The following FMN2 variants were observed in gnomAD, a reference collection of about 807,000 sequenced individuals.
FMN2 encodes the protein formin 2, also known as formin-2.
A neutral mutation model predicts 142.3 loss-of-function variants in FMN2; 51 were observed. The ratio of observed to expected loss-of-function variants is 0.36; its 90% CI spans 0.29 to 0.45. FMN2 has a LOEUF of 0.45. Among genes scored for constraint, FMN2 ranks in the 20% least tolerant of loss-of-function variants. The pLI is 1.00. For synonymous variants in FMN2, 882 were observed against 869.8 expected (o/e 1.01, Z -0.25); for missense variants, 1,936 against 2,122.8 (o/e 0.91, Z 1.73).
intron 7 of FMN2, among the ~76,000 whole-genome samples, chr1:240,285,439 C>T (rs1669553392): frequency 1.3e-5 from 2 of 151,824 alleles, no homozygotes; most frequent in Admixed American, 6.6e-5. Context: ...GGAAGGAGGT[C>T]GGAAGCTGGA....
At chr1:240,188,182 ACTGT>A (rs1284705075) in intron 3 of FMN2, 21 bp from the exon 4 acceptor site, 2 of 1,611,676 alleles carry the variant, frequency 1.2e-6, no homozygotes, top group Non-Finnish European at 1.7e-6. Flanking sequence ...TAAGATACTG[ACTGT>A]CTGCTTCCTT....
chr1:240,108,157 T>C (rs16839439), intron 1 of FMN2, among the ~76,000 whole-genome samples: 2,295 of 152,308 alleles, frequency 0.015, 31 homozygotes, highest in Admixed American at 0.039. Context: ...TTATTAGCCA[T>C]GGTCATCTTT....
intron 2 of FMN2, among the ~76,000 whole-genome samples, chr1:240,151,986 C>T (rs1474088834): frequency 1.3e-5 from 2 of 152,008 alleles, no homozygotes; most frequent in East Asian, 1.9e-4. Context: ...AGGCTGCTCT[C>T]GAACTCCTGG....
At chr1:240,127,035 A>G (rs1361533124) in intron 2 of FMN2, among the ~76,000 whole-genome samples, 1 of 151,924 alleles carries the variant, frequency 6.6e-6, no homozygotes, top group East Asian at 1.9e-4. Context: ...CATGACTCAG[A>G]GGAAGCTGGG....
At chr1:240,310,317 T>C (rs898005017) in intron 8 of FMN2, among the ~76,000 whole-genome samples, 1 of 152,224 alleles carries the variant, frequency 6.6e-6, no homozygotes, top group Non-Finnish European at 1.5e-5. Context: ...AAAGTAATTC[T>C]ATTTGATCTC....
At chr1:240,269,167 C>T (rs373629516) in intron 7 of FMN2, among the ~76,000 whole-genome samples, 28 of 151,888 alleles carry the variant, frequency 1.8e-4, no homozygotes, top group Non-Finnish European at 3.1e-4. Context: ...GTGTTTTCTT[C>T]GAGTAGTTTT....
At chr1:240,392,115 G>GTT (rs577730785) in intron 14 of FMN2, among the ~76,000 whole-genome samples, 1,930 of 145,948 alleles carry the variant, frequency 0.013, 46 homozygotes, top group African/African-American at 0.045. Context: ...TCTGTTTAGG[G>GTT]TTTTTTTTTT....
chr1:240,160,575 CAG>C (rs1664236991), intron 2 of FMN2, among the ~76,000 whole-genome samples: 1 of 151,530 alleles, frequency 6.6e-6, no homozygotes, highest in African/African-American at 2.4e-5. Flanking sequence ...CCATTCATGA[CAG>C]AAACTCTTAG....
At chr1:240,381,439 T>C (rs563200105) in intron 14 of FMN2, among the ~76,000 whole-genome samples, 10 of 152,188 alleles carry the variant, frequency 6.6e-5, no homozygotes, top group Non-Finnish European at 1.2e-4. Context: ...TCATCCTTTT[T>C]CTTTTTTTTA....
intron 4 of FMN2, among the ~76,000 whole-genome samples, chr1:240,201,207 A>G (rs895928356): frequency 6.6e-6 from 1 of 152,208 alleles, no homozygotes; most frequent in Admixed American, 6.5e-5. Flanking sequence ...CCAACCCCAA[A>G]TCCCTCTCCT....
chr1:240,362,087 G>A (rs935912046), intron 14 of FMN2, among the ~76,000 whole-genome samples: 1 of 152,154 alleles, frequency 6.6e-6, no homozygotes, highest in African/African-American at 2.4e-5. Flanking sequence ...CATGTTTCTG[G>A]GATTGGCATA....
At chr1:240,192,313 G>A (rs1208567016) in intron 4 of FMN2, among the ~76,000 whole-genome samples, 1 of 152,164 alleles carries the variant, frequency 6.6e-6, no homozygotes, top group Non-Finnish European at 1.5e-5. Context: ...AAGAGCAAAA[G>A]AAGCATTGGT....
intron 7 of FMN2, among the ~76,000 whole-genome samples, chr1:240,282,570 TACTC>T (rs901214339): frequency 7.9e-5 from 12 of 152,324 alleles, no homozygotes; most frequent in African/African-American, 2.2e-4. Context: ...CTTGAAATAT[TACTC>T]ACGAGCGTGT....
chr1:240,346,992 A>G (rs934789660), intron 13 of FMN2, among the ~76,000 whole-genome samples: 3 of 152,224 alleles, frequency 2.0e-5, no homozygotes, highest in Non-Finnish European at 4.4e-5. Context: ...TCAAACAGAT[A>G]TTATGTATAA....
At chr1:240,299,180 T>C (rs1670103336) in intron 8 of FMN2, among the ~76,000 whole-genome samples, 1 of 152,084 alleles carries the variant, frequency 6.6e-6, no homozygotes, top group South Asian at 2.1e-4. Flanking sequence ...ACTCCTGACC[T>C]CAGGTGATCC....
intron 2 of FMN2, among the ~76,000 whole-genome samples, chr1:240,140,388 C>A (rs1402542678): frequency 6.6e-6 from 1 of 152,110 alleles, no homozygotes; most frequent in Non-Finnish European, 1.5e-5. Context: ...AAATTACGTT[C>A]ATTTTCTTCC....
chr1:240,186,114 G>A (rs112875559), intron 3 of FMN2, among the ~76,000 whole-genome samples: 1,938 of 152,232 alleles, frequency 0.013, 41 homozygotes, highest in African/African-American at 0.044. Flanking sequence ...ACTGCATCAT[G>A]CTATTCTCAG....
chr1:240,215,433 G>T (rs1666859031), intron 6 of FMN2, among the ~76,000 whole-genome samples: 1 of 152,146 alleles, frequency 6.6e-6, no homozygotes, highest in South Asian at 2.1e-4. Context: ...GCTGGTAAGG[G>T]GCTGAGCTCG....
At chr1:240,463,185 C>T (rs551179086) in intron 16 of FMN2, among the ~76,000 whole-genome samples, 1 of 147,422 alleles carries the variant, frequency 6.8e-6, no homozygotes, top group Admixed American at 6.7e-5. Flanking sequence ...CACATGGAGG[C>T]CAGTCTGCAG....
Sources: allele counts gnomAD v4.1 joint callset (sites outside exome capture counted in the v4.1 genomes callset), GRCh38; gene constraint gnomAD v4.1.1; transcripts MANE v1.5; gene names NCBI Gene and HGNC (gene_info 2026-07-23, HGNC 2026-07-21).